The following EPHB2 variants were observed in gnomAD, a reference collection of about 807,000 sequenced individuals.
The protein encoded by EPHB2 is EPH receptor B2, also known as ephrin type-B receptor 2.
Under a neutral mutation model 96.4 loss-of-function variants are expected in EPHB2, and 18 were observed. That is an observed-to-expected ratio of 0.19 (90% CI 0.13 to 0.28). The LOEUF is 0.28. EPHB2 is among the 10% of genes least tolerant of loss of function. The pLI is 1.00. For synonymous variants in EPHB2, 506 were observed against 534.1 expected (o/e 0.95, Z 0.72); for missense variants, 989 against 1,355.4 (o/e 0.73, Z 4.25).
chr1:22,849,702 ACT>A (rs1360994881), intron 3 of EPHB2, among the ~76,000 whole-genome samples: 1 of 152,098 alleles, frequency 6.6e-6, no homozygotes, highest in Non-Finnish European at 1.5e-5. Flanking sequence ...GCCCTAAAAG[ACT>A]CTAAGTCGGC....
chr1:22,777,034 C>T (rs184889318), intron 1 of EPHB2, among the ~76,000 whole-genome samples: 6 of 152,246 alleles, frequency 3.9e-5, no homozygotes, highest in Admixed American at 3.3e-4. Context: ...TCGAAGCACC[C>T]GTGGCTGCAG....
At chr1:22,893,517 C>G (rs10917327) in intron 7 of EPHB2, among the ~76,000 whole-genome samples, 8 of 152,138 alleles carry the variant, frequency 5.3e-5, no homozygotes, top group African/African-American at 1.9e-4. Context: ...AATGGGAGAT[C>G]GTAACCTGTG....
intron 1 of EPHB2, among the ~76,000 whole-genome samples, chr1:22,756,712 G>A (rs562663416): frequency 6.6e-6 from 1 of 152,254 alleles, no homozygotes; most frequent in South Asian, 2.1e-4. Flanking sequence ...CACTGGGCCA[G>A]CCCCAGAACA....
In EPHB2 at chr1:22,892,842, T is replaced by G. The variant is rs1346368111; in HGVS notation, c.1429-42T>G. On this transcript the variant is annotated intron_variant, in intron 6 of 15. Coordinates refer to ENST00000374630, the MANE Select transcript of EPHB2 (RefSeq NM_017449.5). ...CAGGCAGTGGGCTCTGGACCCACTA[T>G]GAGCCACAACCTCACTAATTTTCTT... is the stretch of plus-strand genomic sequence containing the variant. 1.9e-6 allele frequency: 3 copies of G among 1,614,082 alleles called. No homozygotes were observed. In the East Asian group the frequency reaches 6.7e-5, roughly 36 times the overall value.
At chr1:22,903,531 C>G (rs1423598053) in intron 9 of EPHB2, among the ~76,000 whole-genome samples, 2 of 152,246 alleles carry the variant, frequency 1.3e-5, no homozygotes, top group Non-Finnish European at 2.9e-5. Flanking sequence ...TCAAGTCTAA[C>G]AGACCTGGCT....
chr1:22,777,211 G>T (rs1644465005), intron 1 of EPHB2, among the ~76,000 whole-genome samples: 1 of 152,202 alleles, frequency 6.6e-6, no homozygotes, highest in Non-Finnish European at 1.5e-5. Flanking sequence ...TGTCTGTGCG[G>T]AGTGAGACGG....
At chr1:22,865,827 C>T (rs1401680095) in intron 5 of EPHB2, among the ~76,000 whole-genome samples, 1 of 152,192 alleles carries the variant, frequency 6.6e-6, no homozygotes, top group Admixed American at 6.5e-5. Flanking sequence ...ATCACAAGTG[C>T]TTTCTGTGAA....
chr1:22,870,877 A>T (rs1638641327), intron 5 of EPHB2, among the ~76,000 whole-genome samples: 1 of 152,206 alleles, frequency 6.6e-6, no homozygotes, highest in Non-Finnish European at 1.5e-5. Flanking sequence ...GTCTGATTGC[A>T]TCTTCCTCAT....
At chr1:22,869,013 C>T (rs1334664437) in intron 5 of EPHB2, among the ~76,000 whole-genome samples, 3 of 152,294 alleles carry the variant, frequency 2.0e-5, no homozygotes, top group East Asian at 1.9e-4. Context: ...TTCTTACCAT[C>T]GGACAAATTT....
At chr1:22,789,823 G>A (rs767163058) in intron 3 of EPHB2, among the ~76,000 whole-genome samples, 3 of 152,318 alleles carry the variant, frequency 2.0e-5, no homozygotes, top group East Asian at 1.9e-4. Flanking sequence ...AAAAGTGGCC[G>A]TGCTTCAGGA....
intron 3 of EPHB2, among the ~76,000 whole-genome samples, chr1:22,821,241 A>G (rs1236777624): frequency 6.6e-6 from 1 of 152,230 alleles, no homozygotes; most frequent in Non-Finnish European, 1.5e-5. Flanking sequence ...ATCAGCCAGA[A>G]CGAAATCACA....
At chr1:22,752,316 G>A (rs1039484066) in intron 1 of EPHB2, among the ~76,000 whole-genome samples, 12 of 152,006 alleles carry the variant, frequency 7.9e-5, no homozygotes, top group Non-Finnish European at 1.3e-4. Flanking sequence ...TGGGAAACAC[G>A]GCGAAAACCC....
At chr1:22,720,477 G>C (rs1201179358) in intron 1 of EPHB2, among the ~76,000 whole-genome samples, 1 of 152,106 alleles carries the variant, frequency 6.6e-6, no homozygotes, top group Non-Finnish European at 1.5e-5. Context: ...TGTTGTCCAT[G>C]TTTCTTGGGC....
At chr1:22,861,689 A>G (rs1246061207) in intron 3 of EPHB2, among the ~76,000 whole-genome samples, 1 of 152,116 alleles carries the variant, frequency 6.6e-6, no homozygotes, top group Non-Finnish European at 1.5e-5. Context: ...CTGGGCCCCA[A>G]GAAAGGCAGG....
intron 3 of EPHB2, among the ~76,000 whole-genome samples, chr1:22,847,457 G>A (rs1645560190): frequency 1.3e-5 from 2 of 152,200 alleles, no homozygotes; most frequent in South Asian, 4.1e-4. Context: ...GTAAAGAGGT[G>A]GGGCTGGACA....
At chr1:22,886,594 G>T (rs1639231257) in intron 6 of EPHB2, among the ~76,000 whole-genome samples, 1 of 151,100 alleles carries the variant, frequency 6.6e-6, no homozygotes, top group African/African-American at 2.4e-5. Flanking sequence ...GGAGTTGGCA[G>T]TGGAGATGGC....
intron 3 of EPHB2, among the ~76,000 whole-genome samples, chr1:22,833,080 G>T (rs1448605337): frequency 6.7e-6 from 1 of 149,506 alleles, no homozygotes; most frequent in Non-Finnish European, 1.5e-5. Context: ...GAAAATCCTT[G>T]GGTGACTTGG....
At chr1:22,898,564 G>C (rs1639644737) in intron 9 of EPHB2, among the ~76,000 whole-genome samples, 2 of 152,206 alleles carry the variant, frequency 1.3e-5, no homozygotes, top group African/African-American at 4.8e-5. Flanking sequence ...GCTTTTCCCT[G>C]AGTGAAATGG....
chr1:22,881,079 A>C (rs1570431530), intron 5 of EPHB2, among the ~76,000 whole-genome samples: 1 of 151,796 alleles, frequency 6.6e-6, no homozygotes, highest in Admixed American at 6.6e-5. Context: ...TTCGAGACCA[A>C]CCTGGGCAAC....
Sources: gnomAD v4.1 joint callset for allele counts (sites outside exome capture counted in the v4.1 genomes callset) on GRCh38, gnomAD v4.1.1 for gene constraint, MANE v1.5 for transcripts, NCBI Gene and HGNC (gene_info 2026-07-23, HGNC 2026-07-21) for gene names.